NFATC2: variants seen among roughly 807,000 people sequenced by gnomAD.
The protein encoded by NFATC2 is nuclear factor of activated T cells 2.
NFATC2 carries 22 observed loss-of-function variants against 87.3 expected under a neutral mutation model. The ratio of observed to expected loss-of-function variants is 0.25; its 90% confidence interval spans 0.18 to 0.36. The LOEUF (loss-of-function observed/expected upper bound fraction) is 0.36, where lower values mean the gene tolerates loss of function less well. Among genes scored for constraint, NFATC2 ranks in the 10% least tolerant of loss-of-function variants. The pLI, the probability that NFATC2 is intolerant of heterozygous loss-of-function variation, is 1.00. For synonymous variants in NFATC2, 565 were observed against 542.2 expected (o/e 1.04, Z -0.58); for missense variants, 1,149 against 1,259.1 (o/e 0.91, Z 1.32).
intron 4 of NFATC2, among the ~76,000 whole-genome samples, chr20:51,474,874 T>C (rs569179667): frequency 5.8e-4 from 89 of 152,268 alleles, no homozygotes; most frequent in Middle Eastern, 3.4e-3. Flanking sequence ...TTTTTAAATA[T>C]AAGTAAATTT....
At chr20:51,391,652 A>G (rs1568915760) in intron 10 of NFATC2, among the ~76,000 whole-genome samples, 1 of 22,098 alleles carries the variant, frequency 4.5e-5, no homozygotes, top group Non-Finnish European at 7.0e-5. Context: ...CTGGGACTAC[A>G]TACAGGTGCA....
intron 10 of NFATC2, among the ~76,000 whole-genome samples, chr20:51,393,551 A>C (rs967195728): frequency 6.6e-6 from 1 of 152,202 alleles, no homozygotes. Context: ...TCTACTGTGT[A>C]CTGGGTAACA....
chr20:51,426,529 C>T (rs943212929), intron 9 of NFATC2, among the ~76,000 whole-genome samples: 6 of 151,902 alleles, frequency 3.9e-5, no homozygotes, highest in African/African-American at 1.5e-4. Flanking sequence ...TGGAAGATCC[C>T]TTTTATTGAC....
At chr20:51,457,290 C>T (rs988518600) in intron 5 of NFATC2, among the ~76,000 whole-genome samples, 9 of 152,176 alleles carry the variant, frequency 5.9e-5, no homozygotes, top group East Asian at 3.9e-4. Flanking sequence ...GGTGCAGTGG[C>T]GAGAGCATCC....
intron 9 of NFATC2, among the ~76,000 whole-genome samples, chr20:51,403,545 A>G (rs1988266519): frequency 6.6e-6 from 1 of 152,102 alleles, no homozygotes; most frequent in African/African-American, 2.4e-5. Context: ...CCAAATTCCT[A>G]TATTGAAGCC....
rs201086440 is a variant in NFATC2, at chr20:51,454,639, G to A, written c.1758C>T (p.Asp586=). The change falls in exon 6 of 11, where the codon GAC becomes GAT. Residue 586 remains aspartate (D), a synonymous_variant. Transcript: ENST00000371564. ...GCTGGCCGCCATAGACCAGGCAGCT[G>A]TCTGTGTCTTGTCTTTCAACCATGG... ...ELPMVERQDT[D]SCLVYGGQQM... 4.2e-5 allele frequency: 68 copies of A among 1,614,126 alleles called. No homozygotes were observed. The Middle Eastern group carries it at 2.6e-3, about 63-fold the overall frequency.
In NFATC2 at chr20:51,523,076, C is replaced by T. The variant is rs1487386021; in HGVS notation, c.1160+5G>A. ...AGAATCAATCATTTTCAAAGCCCTG[C>T]TCACCTGCAGATGGGAATGGCAGGC... On this transcript the variant is annotated splice_donor_5th_base_variant and intron_variant, in intron 2 of 10. Coordinates refer to ENST00000371564, the MANE Select transcript of NFATC2 (RefSeq NM_012340.5). The surrounding 1 kb of genome is among the most constrained non-coding windows in gnomAD (Gnocchi z 6.9). 6.2e-7 allele frequency: 1 copy of T among 1,614,144 alleles called. No individual in the cohort carries two copies. Among genetic ancestry groups the T allele is most frequent in the Admixed American group, 1.7e-5 (1 of 60,032 alleles).
At chr20:51,509,251 TATTTC>T (rs372321852) in intron 3 of NFATC2, among the ~76,000 whole-genome samples, 7 of 148,260 alleles carry the variant, frequency 4.7e-5, no homozygotes, top group African/African-American at 1.8e-4. Context: ...CCCAACATAC[TATTTC>T]ATTTTCCTAT....
chr20:51,553,423 C>A (rs1195045157), intron 1 of NFATC2, among the ~76,000 whole-genome samples: 1 of 151,962 alleles, frequency 6.6e-6, no homozygotes, highest in East Asian at 1.9e-4. Context: ...CGCCTGTAAT[C>A]CCAGCACTTT....
rs117204064 is a variant in NFATC2 at position 51,411,885 on chromosome 20, G to A, written c.2723-13155C>T. Among the ~76,000 whole-genome samples the A allele has an allele frequency of 3.3e-5, 5 of 152,244 alleles. No individual in the cohort carries two copies. In the East Asian group the frequency reaches 9.7e-4, roughly 29 times the overall value. On this transcript the variant is annotated intron_variant, in intron 9 of 10. Transcript: ENST00000371564. Reference sequence around the variant, plus strand: ...GGCACACAGTAGGCACTCTGCAGATGTGTTGAGTAGAACTGACCAAAGTGC... The same window carrying A: ...GGCACACAGTAGGCACTCTGCAGATATGTTGAGTAGAACTGACCAAAGTGC...
intron 1 of NFATC2, among the ~76,000 whole-genome samples, chr20:51,553,232 C>T (rs796714449): frequency 1.1e-4 from 16 of 152,270 alleles, no homozygotes; most frequent in African/African-American, 3.6e-4. Flanking sequence ...TTCCACCTGC[C>T]GGGAGCCTGT....
intron 3 of NFATC2, among the ~76,000 whole-genome samples, chr20:51,485,359 T>A (rs961409450): frequency 1.3e-5 from 2 of 152,178 alleles, no homozygotes; most frequent in South Asian, 4.1e-4. Context: ...GCTGCCCCTC[T>A]CCACTCTCAG....
intron 1 of NFATC2, among the ~76,000 whole-genome samples, chr20:51,535,031 A>C (rs904222817): frequency 6.6e-6 from 1 of 152,160 alleles, no homozygotes; most frequent in East Asian, 1.9e-4. Flanking sequence ...AAAGCATTTG[A>C]GATTAAACTC....
chr20:51,531,169 C>T lies in NFATC2; in HGVS notation c.131-7059G>A, dbSNP rs191955863. ...GCATCGCCAAACATCTCCTGCCAGGCAGGCTCGCCCCCAGCTGAGAACCAC... is the reference window on the plus strand; with the variant it reads ...GCATCGCCAAACATCTCCTGCCAGGTAGGCTCGCCCCCAGCTGAGAACCAC... On this transcript the variant is annotated intron_variant, in intron 1 of 10. Transcript: ENST00000371564. 1.9e-3 allele frequency among the ~76,000 whole-genome samples: 293 copies of T among 152,366 alleles called. 1 individual carries two copies. The highest frequency in any genetic ancestry group is 6.8e-3 in the African/African-American group (283 of 41,582).
At chr20:51,433,862 A>C (rs1274410761) in intron 8 of NFATC2, among the ~76,000 whole-genome samples, 1 of 151,936 alleles carries the variant, frequency 6.6e-6, no homozygotes, top group Non-Finnish European at 1.5e-5. Context: ...CTAACCACAG[A>C]AATTGTCCCT....
intron 9 of NFATC2, among the ~76,000 whole-genome samples, chr20:51,404,250 G>C (rs1988338385): frequency 6.6e-6 from 1 of 152,222 alleles, no homozygotes; most frequent in South Asian, 2.1e-4. Flanking sequence ...GGGACACACA[G>C]ACAGCTGGGG....
At chr20:51,552,769 C>T (rs902424911) in intron 1 of NFATC2, among the ~76,000 whole-genome samples, 4 of 152,062 alleles carry the variant, frequency 2.6e-5, no homozygotes, top group Non-Finnish European at 5.9e-5. Context: ...TATGTTTGGC[C>T]TGCCCAGTAA....
chr20:51,438,287 A>C (rs1311270335), intron 6 of NFATC2, among the ~76,000 whole-genome samples: 1 of 152,196 alleles, frequency 6.6e-6, no homozygotes, highest in East Asian at 1.9e-4. Flanking sequence ...AGTGAGCTTG[A>C]AGCCTGAAGA....
intron 9 of NFATC2, among the ~76,000 whole-genome samples, chr20:51,421,181 G>A (rs2146301467): frequency 6.6e-6 from 1 of 152,246 alleles, no homozygotes; most frequent in South Asian, 2.1e-4. Context: ...GATTGGCCAT[G>A]CATTGATAAC....
Sources: allele counts gnomAD v4.1 joint callset (sites outside exome capture counted in the v4.1 genomes callset), GRCh38; gene constraint gnomAD v4.1.1; non-coding constraint Gnocchi (gnomAD v3.1); transcripts MANE v1.5; gene names NCBI Gene and HGNC (gene_info 2026-07-23, HGNC 2026-07-21).